Variants in SHROOM3 observed in about 807,000 individuals in gnomAD.
The protein encoded by SHROOM3 is protein Shroom3.
Under a neutral mutation model 138.6 loss-of-function variants are expected in SHROOM3, and 47 were observed. The observed-to-expected ratio is 0.34, with a 90% CI of 0.27 to 0.43. The LOEUF (loss-of-function observed/expected upper bound fraction) is 0.43. Ranked by LOEUF, SHROOM3 falls within the 20% of genes least tolerant of loss-of-function variation. SHROOM3 has a pLI of 1.00. For synonymous variants in SHROOM3, 1,062 were observed against 1,063.3 expected (o/e 1.00, Z 0.02); for missense variants, 2,491 against 2,596.5 (o/e 0.96, Z 0.88).
chr4:76,720,837 C>T (rs1720525138), intron 3 of SHROOM3, among the ~76,000 whole-genome samples: 1 of 151,616 alleles, frequency 6.6e-6, no homozygotes, highest in African/African-American at 2.4e-5. Context: ...GTCTTGAACT[C>T]CTGACCTCGT....
At chr4:76,439,627 A>G (rs1730628560) in intron 1 of SHROOM3, among the ~76,000 whole-genome samples, 1 of 152,184 alleles carries the variant, frequency 6.6e-6, no homozygotes, top group African/African-American at 2.4e-5. Context: ...CCAGATGTCT[A>G]CTATTCTCCC....
At chr4:76,504,731 C>T (rs1031854690) in intron 1 of SHROOM3, among the ~76,000 whole-genome samples, 1 of 152,188 alleles carries the variant, frequency 6.6e-6, no homozygotes, top group Non-Finnish European at 1.5e-5. Context: ...TTCACTTTCT[C>T]CTAATTGAAA....
intron 1 of SHROOM3, among the ~76,000 whole-genome samples, chr4:76,492,958 C>T (rs1276319444): frequency 5.3e-5 from 8 of 152,084 alleles, no homozygotes; most frequent in African/African-American, 7.2e-5. Context: ...CGGTGGCTCA[C>T]GTCTATAATC....
chr4:76,533,389 A>G (rs1451417845), intron 1 of SHROOM3, among the ~76,000 whole-genome samples: 1 of 152,220 alleles, frequency 6.6e-6, no homozygotes, highest in Non-Finnish European at 1.5e-5. Flanking sequence ...CTAAAGGAAG[A>G]TTAGTGATTT....
intron 1 of SHROOM3, among the ~76,000 whole-genome samples, chr4:76,527,674 TG>T (rs1182731449): frequency 6.6e-6 from 1 of 152,182 alleles, no homozygotes; most frequent in Non-Finnish European, 1.5e-5. Flanking sequence ...GTGGTTTCGG[TG>T]TTGGTTTGAT....
At chr4:76,758,754 A>G (rs1211209763) in intron 8 of SHROOM3, among the ~76,000 whole-genome samples, 1 of 152,220 alleles carries the variant, frequency 6.6e-6, no homozygotes, top group Non-Finnish European at 1.5e-5. Flanking sequence ...TAGTAAAATG[A>G]TGGGCTAGAT....
intron 2 of SHROOM3, among the ~76,000 whole-genome samples, chr4:76,656,694 A>G (rs946233529): frequency 3.9e-5 from 6 of 152,238 alleles, no homozygotes; most frequent in Non-Finnish European, 8.8e-5. Context: ...TGAACTGAAT[A>G]GGAGCACATC....
intron 3 of SHROOM3, among the ~76,000 whole-genome samples, chr4:76,719,205 G>A (rs1036109897): frequency 1.1e-4 from 16 of 152,178 alleles, no homozygotes; most frequent in Non-Finnish European, 2.1e-4. Flanking sequence ...GACAGTCTTG[G>A]GGGTGTTTGC....
At chr4:76,584,857 A>G (rs552935658) in intron 2 of SHROOM3, among the ~76,000 whole-genome samples, 1 of 152,214 alleles carries the variant, frequency 6.6e-6, no homozygotes, top group East Asian at 1.9e-4. Context: ...CTAAGAAAAA[A>G]GGAGGCTACT....
At chr4:76,634,813 G>A (rs1029148814) in intron 2 of SHROOM3, among the ~76,000 whole-genome samples, 1 of 152,282 alleles carries the variant, frequency 6.6e-6, no homozygotes, top group African/African-American at 2.4e-5. Context: ...GTGTGACTTA[G>A]AGGAAGAAGG....
At chr4:76,545,603 A>C (rs1161596177) in intron 1 of SHROOM3, among the ~76,000 whole-genome samples, 1 of 152,214 alleles carries the variant, frequency 6.6e-6, no homozygotes, top group Non-Finnish European at 1.5e-5. Context: ...TCATGCATGC[A>C]GTTGCTAACA....
intron 1 of SHROOM3, among the ~76,000 whole-genome samples, chr4:76,535,982 A>C (rs924640406): frequency 1.3e-5 from 2 of 152,232 alleles, no homozygotes; most frequent in African/African-American, 4.8e-5. Flanking sequence ...GGGTTACAGC[A>C]ACACAGTGGG....
intron 4 of SHROOM3, among the ~76,000 whole-genome samples, chr4:76,735,871 ATATATATATATATAT>A (rs1721054419): frequency 2.1e-4 from 4 of 18,844 alleles, no homozygotes; most frequent in South Asian, 1.9e-3. Context: ...AAAAAAAAAT[ATATATATATATATAT>A]ATATATATAT....
rs1429298697 is a variant in SHROOM3, at chr4:76,693,366, G to GTTTTTTTTTT, written c.324-16787_324-16786insTTTTTTTTTT. On this transcript the variant is annotated intron_variant, in intron 2 of 10. Coordinates refer to ENST00000296043, the MANE Select transcript of SHROOM3 (RefSeq NM_020859.4). ...ACTATGCATACCTTCATTTTGATAA[G>GTTTTTTTTTT]TTTGTTTTTTTTTTTTTTTTTTTTT... Among the ~76,000 whole-genome samples the GTTTTTTTTTT allele has an allele frequency of 2.4e-3, 145 of 60,050 alleles. 10 individuals carry two copies. Among genetic ancestry groups the GTTTTTTTTTT allele is most frequent in the African/African-American group, 8.6e-3 (121 of 14,054 alleles). 39.4% of individuals were successfully genotyped at this position (60,050 alleles called of 152,430 possible).
At chr4:76,747,564 G>A (rs910551433) in intron 5 of SHROOM3, among the ~76,000 whole-genome samples, 5 of 152,114 alleles carry the variant, frequency 3.3e-5, no homozygotes, top group South Asian at 2.1e-4. Context: ...TTGTCAAAAC[G>A]AAATGCAAAG....
intron 1 of SHROOM3, among the ~76,000 whole-genome samples, chr4:76,451,773 A>G (rs932228965): frequency 6.6e-6 from 1 of 152,230 alleles, no homozygotes; most frequent in Non-Finnish European, 1.5e-5. Flanking sequence ...AACAAAATTG[A>G]AAGTTTAGAA....
chr4:76,603,968 G>A (rs1177458675), intron 2 of SHROOM3, among the ~76,000 whole-genome samples: 4 of 149,392 alleles, frequency 2.7e-5, no homozygotes, highest in African/African-American at 4.9e-5. Flanking sequence ...TCAGCCTCCC[G>A]AGTAGTTGGG....
chr4:76,686,862 T>C (rs191656984), intron 2 of SHROOM3, among the ~76,000 whole-genome samples: 18 of 152,310 alleles, frequency 1.2e-4, no homozygotes, highest in South Asian at 8.3e-4. Flanking sequence ...CTGCCAGTGT[T>C]GTGGGTTCTG....
At chr4:76,730,783 G>T (rs1257568376) in intron 3 of SHROOM3, 21 bp from the exon 4 acceptor site, 1 of 1,613,550 alleles carries the variant, frequency 6.2e-7, no homozygotes, top group Non-Finnish European at 8.5e-7. Flanking sequence ...ATGTTGGGGG[G>T]TCCCTCCTGT....
Sources: gnomAD v4.1 joint callset for allele counts (sites outside exome capture counted in the v4.1 genomes callset) on GRCh38, gnomAD v4.1.1 for gene constraint, MANE v1.5 for transcripts, NCBI Gene and HGNC (gene_info 2026-07-23, HGNC 2026-07-21) for gene names.